KDM4C: variants seen among roughly 807,000 people sequenced by gnomAD.
The protein encoded by KDM4C is lysine-specific demethylase 4C.
KDM4C carries 81 observed loss-of-function variants against 129.3 expected under a neutral mutation model. That is an observed-to-expected ratio of 0.63 (90% CI 0.52 to 0.75). The LOEUF is 0.75. KDM4C is among the 30% of genes least tolerant of loss of function. KDM4C has a pLI of 0.00. For synonymous variants in KDM4C, 573 were observed against 456.1 expected, an observed-to-expected ratio of 1.26 and a Z score of -3.26; for missense variants, 1,457 against 1,304.0, an observed-to-expected ratio of 1.12 and a Z score of -1.81.
intron 15 of KDM4C, among the ~76,000 whole-genome samples, chr9:7,038,472 G>T (rs1828019152): frequency 6.6e-6 from 1 of 151,908 alleles, no homozygotes; most frequent in Non-Finnish European, 1.5e-5. Flanking sequence ...TTAATTCTTA[G>T]TATCCCAGTG....
intron 4 of KDM4C, among the ~76,000 whole-genome samples, chr9:6,825,857 C>T (rs1588526479): frequency 6.6e-6 from 1 of 152,182 alleles, no homozygotes; most frequent in East Asian, 1.9e-4. Flanking sequence ...ATTGCACAGC[C>T]TGCAGTGCAG....
intron 4 of KDM4C, among the ~76,000 whole-genome samples, chr9:6,844,251 T>C (rs1478235900): frequency 9.2e-5 from 14 of 152,092 alleles, no homozygotes; most frequent in African/African-American, 3.4e-4. Context: ...TTTACAAATA[T>C]CTTTTGTTTT....
chr9:7,029,093 G>A (rs866088637), intron 15 of KDM4C, among the ~76,000 whole-genome samples: 5 of 152,102 alleles, frequency 3.3e-5, no homozygotes, highest in South Asian at 2.1e-4. Context: ...GGGATGATTC[G>A]TGGAGCCTTC....
chr9:6,873,293 A>G lies in KDM4C; in HGVS notation c.630-6719A>G, dbSNP rs1490829403. Among the ~76,000 whole-genome samples, 3 of 152,126 alleles carry G rather than the reference A, an allele frequency of 2.0e-5. No homozygotes were observed. In the East Asian group the frequency reaches 5.8e-4, roughly 29 times the overall value. ...GCTGGGATTACAGGAGTGAGCTACC[A>G]TGCCCGTCCCTTTGAAGCTTTGAAG... On this transcript the variant is annotated intron_variant, in intron 5 of 21. Transcript: ENST00000381309.
intron 8 of KDM4C, among the ~76,000 whole-genome samples, chr9:6,908,444 C>T (rs1818710237): frequency 6.6e-6 from 1 of 152,128 alleles, no homozygotes; most frequent in African/African-American, 2.4e-5. Flanking sequence ...GCAGTGTGTG[C>T]AGGTCCCCCA....
intron 19 of KDM4C, among the ~76,000 whole-genome samples, chr9:7,157,778 G>T (rs182948914): frequency 1.1e-4 from 16 of 152,218 alleles, no homozygotes; most frequent in African/African-American, 3.9e-4. Flanking sequence ...GAGGATTTTT[G>T]CATCAGTGCT....
chr9:7,138,427 G>C (rs1383549569), intron 19 of KDM4C, among the ~76,000 whole-genome samples: 1 of 152,268 alleles, frequency 6.6e-6, no homozygotes, highest in South Asian at 2.1e-4. Flanking sequence ...GGTTAAAATA[G>C]TACAATATGT....
intron 8 of KDM4C, among the ~76,000 whole-genome samples, chr9:6,967,422 A>T (rs1589370964): frequency 3.4e-5 from 1 of 29,510 alleles, no homozygotes; most frequent in Non-Finnish European, 8.1e-5. Flanking sequence ...AGCTTCCACT[A>T]AAAAAAAAAA....
intron 15 of KDM4C, 146 bp downstream of exon 15, chr9:7,016,075 A>C (rs1310518888): frequency 2.0e-6 from 1 of 507,392 alleles, no homozygotes; most frequent in African/African-American, 2.0e-5. Context: ...TCCCTCTCAA[A>C]AGCATCTTAC....
intron 15 of KDM4C, among the ~76,000 whole-genome samples, chr9:7,038,644 A>G (rs1219128743): frequency 1.3e-5 from 2 of 152,074 alleles, no homozygotes; most frequent in Non-Finnish European, 2.9e-5. Flanking sequence ...TAGTCGTTAT[A>G]TAGTCCTTCT....
intron 18 of KDM4C, among the ~76,000 whole-genome samples, chr9:7,125,121 C>A (rs952075769): frequency 6.6e-6 from 1 of 152,154 alleles, no homozygotes; most frequent in Non-Finnish European, 1.5e-5. Context: ...CTCCCCCACC[C>A]CCAGTGCCCT....
intron 18 of KDM4C, among the ~76,000 whole-genome samples, chr9:7,110,445 C>T (rs919671106): frequency 3.3e-5 from 5 of 152,118 alleles, no homozygotes; most frequent in Admixed American, 3.3e-4. Context: ...AACTTGAGGG[C>T]TTATTAATGC....
intron 1 of KDM4C, among the ~76,000 whole-genome samples, chr9:6,749,482 T>G (rs995205468): frequency 6.6e-6 from 1 of 152,060 alleles, no homozygotes; most frequent in Non-Finnish European, 1.5e-5. Flanking sequence ...GGCAATATGG[T>G]GAGACCCCAT....
chr9:6,959,409 G>A (rs1415976684), intron 8 of KDM4C, among the ~76,000 whole-genome samples: 6 of 152,162 alleles, frequency 3.9e-5, no homozygotes, highest in Non-Finnish European at 8.8e-5. Context: ...TGGAGAATAT[G>A]CCTTGAAGAA....
chr9:6,772,828 G>A (rs2130646433), intron 1 of KDM4C, among the ~76,000 whole-genome samples: 1 of 150,504 alleles, frequency 6.6e-6, no homozygotes, highest in South Asian at 2.1e-4. Context: ...GAGTAGCTGG[G>A]ATTACAGGTG....
chr9:6,771,186 C>T (rs1031586901), intron 1 of KDM4C, among the ~76,000 whole-genome samples: 1 of 148,740 alleles, frequency 6.7e-6, no homozygotes, highest in Non-Finnish European at 1.5e-5. Context: ...CCTTGGCCTC[C>T]CCCCAAAGTG....
chr9:6,832,774 C>G (rs1835124020), intron 4 of KDM4C, among the ~76,000 whole-genome samples: 1 of 140,012 alleles, frequency 7.1e-6, no homozygotes, highest in Non-Finnish European at 1.5e-5. Flanking sequence ...GTTGCCCAAG[C>G]TAGAGTGCAA....
chr9:6,721,157 T>C (rs1816934819), intron 1 of KDM4C: 2 of 503,328 alleles, frequency 4.0e-6, no homozygotes, highest in Non-Finnish European at 7.0e-6. Context: ...CACTGCAGCC[T>C]CAACATCCCA....
At chr9:6,735,031 T>C in intron 1 of KDM4C, 1 of 496,434 alleles carries the variant, frequency 2.0e-6, no homozygotes, top group East Asian at 5.1e-5. Flanking sequence ...ATTGTAAGAG[T>C]TTCTCATGGG....
Sources: allele counts gnomAD v4.1 joint callset (sites outside exome capture counted in the v4.1 genomes callset), GRCh38; gene constraint gnomAD v4.1.1; transcripts MANE v1.5; gene names NCBI Gene and HGNC (gene_info 2026-07-23, HGNC 2026-07-21).